The following STK31 variants were observed in gnomAD, a reference collection of about 807,000 sequenced individuals.
STK31 encodes serine/threonine-protein kinase 31.
In STK31, 89 loss-of-function variants were observed where a neutral mutation model predicts 129.7. That is an observed-to-expected ratio of 0.69 (90% CI 0.58 to 0.82). The LOEUF (loss-of-function observed/expected upper bound fraction) is 0.82. Ranked by LOEUF, STK31 falls within the 40% of genes least tolerant of loss-of-function variation. The probability of loss-of-function intolerance (pLI) is 0.00; values close to 1 mark genes in which losing one functional copy is unlikely to be tolerated. For synonymous variants in STK31, 448 were observed against 395.3 expected, an observed-to-expected ratio of 1.13 and a Z score of -1.58; for missense variants, 1,187 against 1,176.4, an observed-to-expected ratio of 1.01 and a Z score of -0.13.
At chr7:23,794,983 G>C (rs571164332) in intron 22 of STK31, among the ~76,000 whole-genome samples, 1 of 152,330 alleles carries the variant, frequency 6.6e-6, no homozygotes, top group African/African-American at 2.4e-5. Context: ...TTTGGAGCCT[G>C]ATGATGTGGT....
chr7:23,792,486 A>T (rs535432914), intron 22 of STK31, among the ~76,000 whole-genome samples: 1 of 152,308 alleles, frequency 6.6e-6, no homozygotes, highest in South Asian at 2.1e-4. Flanking sequence ...AAATGGAGCG[A>T]TACACCATGC....
Position 23,788,113 on chromosome 7 carries a change from A to C in STK31, c.2621A>C (p.Asp874Ala). The change falls in exon 21 of 24, where the codon GAC becomes GCC. Residue 874 changes from aspartate to alanine, a missense_variant. By Grantham distance (126) the Asp-to-Ala change is moderately radical. Around this residue, in one of 5 missense-constraint regions of STK31, gnomAD observed 975 missense variants for 934.9 expected, o/e 1.04. Coordinates refer to ENST00000355870, the MANE Select transcript of STK31 (RefSeq NM_031414.5). ...GAACAAGGAATTGTTGGAGATTTTGACTTCACCAAATCTGTGGTAAGATAT... is the reference window on the plus strand; with the variant it reads ...GAACAAGGAATTGTTGGAGATTTTGCCTTCACCAAATCTGTGGTAAGATAT... ...NREQGIVGDF[D>A]FTKSVSQRAS... 1 of 1,610,302 alleles carries C rather than the reference A, an allele frequency of 6.2e-7. No homozygotes were observed. The highest frequency in any genetic ancestry group is 8.5e-7 in the Non-Finnish European group (1 of 1,178,676).
chr7:23,810,985 T>C (rs1302042627), intron 22 of STK31, among the ~76,000 whole-genome samples: 1 of 149,084 alleles, frequency 6.7e-6, no homozygotes, highest in East Asian at 1.9e-4. Context: ...TTATTTTTTT[T>C]AAACAACACC....
chr7:23,814,517 GAGATATGTACTA>G (rs1182899520), intron 22 of STK31, among the ~76,000 whole-genome samples: 1 of 152,118 alleles, frequency 6.6e-6, no homozygotes, highest in African/African-American at 2.4e-5. Flanking sequence ...CTGTCTCTTA[GAGATATGTACTA>G]AGATATTTAT....
At chr7:23,725,382 A>G (rs1362336425) in intron 4 of STK31, among the ~76,000 whole-genome samples, 4 of 150,158 alleles carry the variant, frequency 2.7e-5, no homozygotes, top group Non-Finnish European at 5.9e-5. Context: ...CAAAAAAAAA[A>G]AAAAAAAAAA....
chr7:23,784,625 C>T (rs1015357474), intron 17 of STK31, among the ~76,000 whole-genome samples: 3 of 151,644 alleles, frequency 2.0e-5, no homozygotes, highest in Admixed American at 2.0e-4. Flanking sequence ...GTAATGTATG[C>T]TTAGGAATTT....
intron 16 of STK31, 114 bp from the exon 17 acceptor site, chr7:23,783,469 G>A: frequency 1.6e-6 from 1 of 636,430 alleles, no homozygotes; most frequent in Non-Finnish European, 2.5e-6. Flanking sequence ...CAGTGATTAT[G>A]TATCTTACTG....
At chr7:23,745,005 C>T (rs921237965) in intron 8 of STK31, among the ~76,000 whole-genome samples, 5 of 152,118 alleles carry the variant, frequency 3.3e-5, no homozygotes, top group Admixed American at 6.5e-5. Context: ...AGGCAGTGGG[C>T]ACGATGTGGG....
chr7:23,714,800 G>T (rs1367077184), intron 3 of STK31, among the ~76,000 whole-genome samples: 2 of 152,030 alleles, frequency 1.3e-5, no homozygotes, highest in African/African-American at 4.8e-5. Flanking sequence ...TTTTGTAAAG[G>T]ATCAGATGAT....
upstream of STK31, chr7:23,710,171 C>G: frequency 6.3e-7 from 1 of 1,575,564 alleles, no homozygotes; most frequent in Non-Finnish European, 8.6e-7. Flanking sequence ...CCCGCTAACA[C>G]CGGATGATGG....
intron 22 of STK31, among the ~76,000 whole-genome samples, chr7:23,804,125 T>A (rs2128122020): frequency 6.6e-6 from 1 of 152,206 alleles, no homozygotes; most frequent in Non-Finnish European, 1.5e-5. Context: ...ACTATATTGC[T>A]CAGGCTGGTC....
intron 8 of STK31, among the ~76,000 whole-genome samples, chr7:23,743,867 G>A (rs59356863): frequency 6.6e-5 from 10 of 151,186 alleles, no homozygotes; most frequent in African/African-American, 2.4e-4. Flanking sequence ...TAGTTCAAAA[G>A]TCTTGTCTTA....
intron 22 of STK31, among the ~76,000 whole-genome samples, chr7:23,801,015 CAT>C (rs1322074429): frequency 1.3e-5 from 2 of 152,098 alleles, no homozygotes; most frequent in African/African-American, 4.8e-5. Flanking sequence ...CTACTGTGAA[CAT>C]GTGTGTATAG....
chr7:23,785,364 C>T, intron 17 of STK31, 114 bp from the exon 18 acceptor site: 2 of 1,415,162 alleles, frequency 1.4e-6, no homozygotes, highest in Non-Finnish European at 1.9e-6. Flanking sequence ...GTTGGTTTTT[C>T]CAGTACAGTT....
chr7:23,787,713 G>A (rs1014251792), intron 20 of STK31, among the ~76,000 whole-genome samples: 3 of 149,936 alleles, frequency 2.0e-5, no homozygotes, highest in Non-Finnish European at 4.4e-5. Context: ...TCATGAAACC[G>A]GTCCCTGGTG....
At chr7:23,763,938 C>T (rs188628177) in intron 11 of STK31, among the ~76,000 whole-genome samples, 79 of 152,042 alleles carry the variant, frequency 5.2e-4, no homozygotes, top group African/African-American at 1.8e-3. Flanking sequence ...CTAAGCTGAC[C>T]AGTAGCTAAT....
chr7:23,783,539 T>C (rs1259299029), intron 16 of STK31, 44 bp from the exon 17 acceptor site: 1 of 1,402,398 alleles, frequency 7.1e-7, no homozygotes, highest in Admixed American at 1.9e-5. Context: ...CAAAATTGAA[T>C]ATATATTGAT....
chr7:23,769,254 G>C (rs1790029410), intron 12 of STK31, 80 bp downstream of exon 12: 1 of 1,310,088 alleles, frequency 7.6e-7, no homozygotes, highest in African/African-American at 1.5e-5. Context: ...CTTTGTTCAA[G>C]AGCTGACATC....
At chr7:23,783,433 T>A in intron 16 of STK31, 150 bp from the exon 17 acceptor site, 1 of 509,466 alleles carries the variant, frequency 2.0e-6, no homozygotes, top group Non-Finnish European at 3.3e-6. Context: ...TTTTCACTTG[T>A]TATTTCTTGA....
Sources: gnomAD v4.1 joint callset for allele counts (sites outside exome capture counted in the v4.1 genomes callset) on GRCh38, gnomAD v4.1.1 for gene constraint, gnomAD v4.1.1 regional missense constraint, MANE v1.5 for transcripts, NCBI Gene and HGNC (gene_info 2026-07-23, HGNC 2026-07-21) for gene names.